The following PDE9A variants were observed in gnomAD, a reference collection of about 807,000 sequenced individuals.
The protein encoded by PDE9A is high affinity cGMP-specific 3',5'-cyclic phosphodiesterase 9A.
Under a neutral mutation model 87.4 loss-of-function variants are expected in PDE9A, and 60 were observed. The observed-to-expected ratio is 0.69, with a 90% CI of 0.56 to 0.85. PDE9A has a LOEUF of 0.85. PDE9A is among the 40% of genes least tolerant of loss of function. The pLI is 0.00. For missense variants in PDE9A, 665 were observed against 779.0 expected (o/e 0.85, Z 1.74); for synonymous variants, 272 against 279.4 (o/e 0.97, Z 0.27).
intron 4 of PDE9A, among the ~76,000 whole-genome samples, chr21:42,725,806 T>C (rs2284966): frequency 0.11 from 17,030 of 152,300 alleles, 1,170 homozygotes; most frequent in East Asian, 0.33. Context: ...CAGGAACATG[T>C]GGACAGGCCT....
intron 14 of PDE9A, among the ~76,000 whole-genome samples, chr21:42,762,685 T>C (rs1046131260): frequency 6.6e-6 from 1 of 151,854 alleles, no homozygotes; most frequent in African/African-American, 2.4e-5. Context: ...TCAGCCCCCT[T>C]CCTTTTATTT....
intron 6 of PDE9A, 73 bp from the exon 7 acceptor site, chr21:42,733,283 G>T: frequency 1.1e-6 from 1 of 874,502 alleles, no homozygotes; most frequent in Non-Finnish European, 1.9e-6. Context: ...CTCAGTAGGT[G>T]TTTGCTTAAC....
chr21:42,691,606 A>C (rs903042361), intron 3 of PDE9A, among the ~76,000 whole-genome samples: 2 of 150,944 alleles, frequency 1.3e-5, no homozygotes, highest in Non-Finnish European at 3.0e-5. Flanking sequence ...TCACCATCCA[A>C]AGTTACCAGC....
At chr21:42,745,659 G>A (rs2053766929) in intron 8 of PDE9A, among the ~76,000 whole-genome samples, 1 of 152,238 alleles carries the variant, frequency 6.6e-6, no homozygotes, top group Non-Finnish European at 1.5e-5. Flanking sequence ...TCAGCCCTCT[G>A]GCTGTCCCTT....
chr21:42,743,235 A>G (rs1169161505), intron 7 of PDE9A, among the ~76,000 whole-genome samples: 1 of 152,150 alleles, frequency 6.6e-6, no homozygotes, highest in Non-Finnish European at 1.5e-5. Context: ...AACTTTGCCT[A>G]TTTATTTCTC....
At chr21:42,725,512 T>A (rs946804135) in intron 4 of PDE9A, among the ~76,000 whole-genome samples, 21 of 152,180 alleles carry the variant, frequency 1.4e-4, no homozygotes, top group African/African-American at 5.1e-4. Context: ...GTGCTGGGAT[T>A]ACAGGCATGA....
intron 10 of PDE9A, chr21:42,757,494 G>A (rs1352618297): frequency 1.3e-5 from 2 of 152,246 alleles, no homozygotes; most frequent in Admixed American, 6.5e-5. Context: ...GCCTGTCCTA[G>A]TTTGCTGAGG....
At chr21:42,721,209 G>A (rs926138815) in intron 4 of PDE9A, among the ~76,000 whole-genome samples, 8 of 152,222 alleles carry the variant, frequency 5.3e-5, no homozygotes, top group African/African-American at 1.9e-4. Flanking sequence ...GAGGGCAGGG[G>A]GAGAAATTGC....
At position 42,694,757 on chromosome 21, in the gene PDE9A, A is replaced by G. The variant is rs753615108; in HGVS notation, c.219-4211A>G. Among the ~76,000 whole-genome samples the G allele has an allele frequency of 1.1e-4, 17 of 152,108 alleles. No individual in the cohort carries two copies. Among genetic ancestry groups the G allele is most frequent in the Non-Finnish European group, 1.8e-4 (12 of 68,028 alleles). ...GAGTCCTGCTACCTTCCAGAAAAAT[A>G]GGCTCCAAACACACTTTCATCCCAT... On this transcript the variant is annotated intron_variant, in intron 3 of 19. Transcript: ENST00000291539. The surrounding 1 kb of genome is among the most constrained non-coding windows in gnomAD (Gnocchi z 5.3).
At chr21:42,737,777 G>A (rs1180741050) in intron 7 of PDE9A, among the ~76,000 whole-genome samples, 1 of 152,178 alleles carries the variant, frequency 6.6e-6, no homozygotes, top group East Asian at 1.9e-4. Context: ...TCTGCCTCTT[G>A]AGTTAAAGGA....
chr21:42,731,420 A>G (rs2051727163), intron 4 of PDE9A, among the ~76,000 whole-genome samples: 1 of 152,134 alleles, frequency 6.6e-6, no homozygotes, highest in Non-Finnish European at 1.5e-5. Context: ...CTTCCTTAGA[A>G]TGTCACCTTG....
rs535838166 is a variant in PDE9A, at chr21:42,715,905, G to A, written c.263-15865G>A. Among the ~76,000 whole-genome samples the A allele has an allele frequency of 5.3e-5, 8 of 151,756 alleles. No homozygotes were observed. The East Asian group carries it at 9.6e-4, about 18-fold the overall frequency. On this transcript the variant is annotated intron_variant, in intron 4 of 19. Transcript: ENST00000291539. ...TCACTGCCTTCAAAACCCCCTGTGC[G>A]CCACCTATTCATCCCTCCCGCCCCA... is the stretch of plus-strand genomic sequence containing the variant.
intron 17 of PDE9A, 118 bp downstream of exon 17, chr21:42,769,273 A>T: frequency 1.1e-6 from 1 of 923,964 alleles, no homozygotes; most frequent in Non-Finnish European, 1.7e-6. Flanking sequence ...ACTCATGCAC[A>T]CACGTACACA....
chr21:42,701,179 A>C (rs2048350597), intron 4 of PDE9A: 1 of 152,198 alleles, frequency 6.6e-6, no homozygotes, highest in African/African-American at 2.4e-5. Flanking sequence ...TACTTAATAA[A>C]TACTGATAAA....
intron 7 of PDE9A, chr21:42,741,186 G>A (rs553562219): frequency 1.8e-4 from 27 of 152,308 alleles, no homozygotes; most frequent in African/African-American, 6.5e-4. Flanking sequence ...CAGTGTCCAC[G>A]TGGCAAATCC....
At chr21:42,708,188 C>T (rs2048998714) in intron 4 of PDE9A, among the ~76,000 whole-genome samples, 1 of 152,192 alleles carries the variant, frequency 6.6e-6, no homozygotes, top group South Asian at 2.1e-4. Context: ...AACAAAAAGA[C>T]TGCAGTGTAT....
At chr21:42,753,914 G>T in intron 9 of PDE9A, 76 bp from the exon 10 acceptor site, 1 of 716,196 alleles carries the variant, frequency 1.4e-6, no homozygotes, top group East Asian at 2.7e-5. Context: ...GGAGAAAGAG[G>T]AGAAATATCT....
At chr21:42,664,681 G>A (rs1466020692) in intron 1 of PDE9A, among the ~76,000 whole-genome samples, 3 of 152,184 alleles carry the variant, frequency 2.0e-5, no homozygotes, top group Non-Finnish European at 4.4e-5. Flanking sequence ...GAGGGAGGGA[G>A]GGGGTTCCAT....
At chr21:42,700,104 A>G (rs1305489858) in intron 4 of PDE9A, among the ~76,000 whole-genome samples, 1 of 152,102 alleles carries the variant, frequency 6.6e-6, no homozygotes, top group Non-Finnish European at 1.5e-5. Flanking sequence ...AGTTTCATAT[A>G]TAAGAAATTA....
Sources: allele counts gnomAD v4.1 joint callset (sites outside exome capture counted in the v4.1 genomes callset), GRCh38; gene constraint gnomAD v4.1.1; non-coding constraint Gnocchi (gnomAD v3.1); transcripts MANE v1.5; gene names NCBI Gene and HGNC (gene_info 2026-07-23, HGNC 2026-07-21).